DPP8: variants seen among roughly 807,000 people sequenced by gnomAD.
The protein encoded by DPP8 is dipeptidyl peptidase 8, also known as DPP VIII.
A neutral mutation model predicts 107.5 loss-of-function variants in DPP8; 31 were observed. The ratio of observed to expected loss-of-function variants is 0.29; its 90% CI spans 0.22 to 0.39. The LOEUF (loss-of-function observed/expected upper bound fraction) is 0.39. DPP8 is among the 10% of genes least tolerant of loss of function. The pLI is 1.00. For missense variants in DPP8, 842 were observed against 1,076.1 expected, an observed-to-expected ratio of 0.78 and a Z score of 3.04; for synonymous variants, 381 against 356.6, an observed-to-expected ratio of 1.07 and a Z score of -0.77.
At chr15:65,489,558 C>T (rs866870978) in intron 6 of DPP8, among the ~76,000 whole-genome samples, 4 of 147,432 alleles carry the variant, frequency 2.7e-5, no homozygotes, top group South Asian at 4.4e-4. Context: ...GGACTACAGG[C>T]GTCCCCCACC....
intron 19 of DPP8, among the ~76,000 whole-genome samples, chr15:65,448,740 T>C (rs2063680278): frequency 8.0e-6 from 1 of 124,540 alleles, no homozygotes; most frequent in Non-Finnish European, 1.6e-5. Flanking sequence ...TACATATATA[T>C]CTAAAATATA....
At chr15:65,482,892 C>A (rs1210858171) in intron 8 of DPP8, among the ~76,000 whole-genome samples, 2 of 150,834 alleles carry the variant, frequency 1.3e-5, no homozygotes, top group African/African-American at 2.4e-5. Context: ...GTCAGGAGAT[C>A]GAGACCATCC....
At chr15:65,449,281 T>C (rs1192364075) in intron 19 of DPP8, among the ~76,000 whole-genome samples, 2 of 146,926 alleles carry the variant, frequency 1.4e-5, no homozygotes, top group Admixed American at 6.8e-5. Flanking sequence ...AAAAAGTATA[T>C]ATAATATATA....
intron 15 of DPP8, among the ~76,000 whole-genome samples, chr15:65,461,644 C>G (rs1334092374): frequency 6.7e-6 from 1 of 149,532 alleles, no homozygotes; most frequent in South Asian, 2.1e-4. Context: ...GCTGTGTTGT[C>G]CAGGCCGGAG....
intron 9 of DPP8, among the ~76,000 whole-genome samples, chr15:65,480,851 C>T (rs938268285): frequency 6.6e-6 from 1 of 152,108 alleles, no homozygotes; most frequent in African/African-American, 2.4e-5. Flanking sequence ...AATCTCAGCA[C>T]GTTGGGAGGC....
chr15:65,508,953 C>A (rs1010478231), intron 2 of DPP8, among the ~76,000 whole-genome samples: 1 of 152,108 alleles, frequency 6.6e-6, no homozygotes, highest in African/African-American at 2.4e-5. Flanking sequence ...TGAAAGAGAT[C>A]CTCAACCTAT....
chr15:65,509,454 A>T (rs894382385), intron 2 of DPP8, among the ~76,000 whole-genome samples: 1 of 152,158 alleles, frequency 6.6e-6, no homozygotes, highest in Non-Finnish European at 1.5e-5. Context: ...ATGTTCTGAC[A>T]TAAGCACAAA....
At chr15:65,475,699 A>G (rs2066321324) in intron 11 of DPP8, 1 of 548,840 alleles carries the variant, frequency 1.8e-6, no homozygotes, top group Non-Finnish European at 3.3e-6. Flanking sequence ...TTCATTTGCC[A>G]AAAAATAACC....
intron 12 of DPP8, among the ~76,000 whole-genome samples, chr15:65,472,425 CTGG>C (rs2065969250): frequency 6.6e-6 from 1 of 152,074 alleles, no homozygotes; most frequent in Non-Finnish European, 1.5e-5. Flanking sequence ...TTCCAACTAG[CTGG>C]GACTACAGGT....
chr15:65,497,952 T>C lies in DPP8; in HGVS notation c.627A>G (p.Pro209=). Residue 209 remains proline, a synonymous_variant, in exon 5 of 20, where the codon CCA becomes CCG. Transcript: ENST00000300141. The part of the protein sequence containing the change: ...RMDPKLCPAD[P]DWIAFIHSND... ...TGCTATGTATAAAAGCAATCCAGTC[T>C]GGATCAGCAGGGCATAATTTTGGAT... 2.5e-6 allele frequency: 4 copies of C among 1,612,172 alleles called. No individual in the cohort carries two copies. The highest frequency in any genetic ancestry group is 3.4e-6 in the Non-Finnish European group (4 of 1,178,710).
intron 5 of DPP8, among the ~76,000 whole-genome samples, chr15:65,494,737 AGTAGAACAG>A: frequency 6.6e-6 from 1 of 151,646 alleles, no homozygotes. Flanking sequence ...TGCCATTGGT[AGTAGAACAG>A]CTGTTCTGAT....
intron 15 of DPP8, chr15:65,459,015 A>G (rs2064683367): frequency 6.7e-6 from 1 of 148,752 alleles, no homozygotes; most frequent in Non-Finnish European, 1.5e-5. Context: ...ACTGAACACC[A>G]GATTCTTTAT....
intron 10 of DPP8, among the ~76,000 whole-genome samples, chr15:65,479,850 C>CAAA (rs56303808): frequency 6.1e-4 from 41 of 66,770 alleles, no homozygotes; most frequent in Non-Finnish European, 9.7e-4. Flanking sequence ...GACTCCGTCT[C>CAAA]AAAAAAAAAA....
chr15:65,505,660 A>G (rs2069869010), intron 3 of DPP8, among the ~76,000 whole-genome samples: 1 of 151,958 alleles, frequency 6.6e-6, no homozygotes, highest in African/African-American at 2.4e-5. Flanking sequence ...AGTGAAAATG[A>G]TTAGTTGTGG....
intron 14 of DPP8, among the ~76,000 whole-genome samples, chr15:65,465,156 ATTTGT>A (rs912942010): frequency 2.7e-5 from 4 of 146,478 alleles, no homozygotes; most frequent in Non-Finnish European, 6.0e-5. Context: ...TTCTGTACTA[ATTTGT>A]TTTTTCTTTT....
Position 65,446,994 on chromosome 15 carries a change from C to T in DPP8, c.2539G>A (p.Glu847Lys). ...KPYDLQIYPQ[E>K]RHSIRVPESG... ...TCAGGAACTCTTATGCTGTGTCTCTCCTGAGGATAGATCTTACCAACAACA... is the reference window on the plus strand; with the variant it reads ...TCAGGAACTCTTATGCTGTGTCTCTTCTGAGGATAGATCTTACCAACAACA... The change falls in exon 20 of 20, where the codon GAG becomes AAG. Residue 847 changes from glutamate to lysine, a missense_variant. By Grantham distance (56) the Glu-to-Lys change is moderately conservative (BLOSUM62 1). Coordinates refer to ENST00000300141, the MANE Select transcript of DPP8 (RefSeq NM_130434.5). 6.2e-7 allele frequency: 1 copy of T among 1,600,108 alleles called. No homozygotes were observed.
intron 3 of DPP8, 139 bp downstream of exon 3, chr15:65,507,104 G>T: frequency 2.2e-6 from 1 of 459,982 alleles, no homozygotes; most frequent in Admixed American, 4.1e-5. Context: ...TGGAATTTCA[G>T]GGTCATACAT....
At chr15:65,515,617 C>A (rs1170148134) in intron 1 of DPP8, 18 of 1,594,080 alleles carry the variant, frequency 1.1e-5, no homozygotes, top group Non-Finnish European at 1.5e-5. Flanking sequence ...TTCACTGCCC[C>A]ACCTACCTCG....
intron 19 of DPP8, among the ~76,000 whole-genome samples, chr15:65,450,336 T>A (rs2063886660): frequency 6.6e-6 from 1 of 152,214 alleles, no homozygotes; most frequent in African/African-American, 2.4e-5. Context: ...AAATATTGAT[T>A]GATATAATTG....
Sources: allele counts gnomAD v4.1 joint callset (sites outside exome capture counted in the v4.1 genomes callset), GRCh38; gene constraint gnomAD v4.1.1; transcripts MANE v1.5; gene names NCBI Gene and HGNC (gene_info 2026-07-23, HGNC 2026-07-21).